Variants in FGD5 observed in about 807,000 individuals in gnomAD.
The protein encoded by FGD5 is FYVE, RhoGEF and PH domain containing 5, also known as FYVE, RhoGEF and PH domain-containing protein 5.
In FGD5, 28 loss-of-function variants were observed where a neutral mutation model predicts 133.4. That is an observed-to-expected ratio of 0.21 (90% CI 0.16 to 0.29). The LOEUF (loss-of-function observed/expected upper bound fraction) is 0.29. FGD5 is among the 10% of genes least tolerant of loss of function. The pLI, the probability that FGD5 is intolerant of heterozygous loss-of-function variation, is 1.00. For missense variants in FGD5, 1,858 were observed against 1,895.2 expected (o/e 0.98, Z 0.36); for synonymous variants, 810 against 776.5 (o/e 1.04, Z -0.72).
chr3:14,810,730 G>C, upstream of FGD5: 1 of 878,976 alleles, frequency 1.1e-6, no homozygotes, highest in Non-Finnish European at 1.4e-6. Flanking sequence ...CGCCGGGGCC[G>C]GGCGGGCGCC....
chr3:14,811,625 T>C (rs2036296298), intron 1 of FGD5, among the ~76,000 whole-genome samples: 1 of 152,052 alleles, frequency 6.6e-6, no homozygotes. Context: ...AGCTCATCCC[T>C]GCAGTTCAGA....
Position 14,933,816 on chromosome 3 carries a change from TGCGCC to T in FGD5, c.*650_*654del, listed in dbSNP as rs1486241248. On this transcript the variant is annotated 3_prime_UTR_variant, in exon 20 of 20. Transcript: ENST00000285046. ...CAAGCACACATCACTTTAGAGGGGC[TGCGCC>T]CCACCAGATAGGAAGGGGAGGATTT... 1 of 153,206 alleles carries T rather than the reference TGCGCC, an allele frequency of 6.5e-6. No homozygotes were observed. The highest frequency in any genetic ancestry group is 1.5e-5 in the Non-Finnish European group (1 of 68,534). The allele number at this position is 153,206 out of a possible 1,614,324, so 9.5% of individuals were successfully genotyped here.
At chr3:14,853,759 A>G (rs529572102) in intron 1 of FGD5, among the ~76,000 whole-genome samples, 1 of 146,344 alleles carries the variant, frequency 6.8e-6, no homozygotes, top group African/African-American at 2.5e-5. Flanking sequence ...GTTGGACAGC[A>G]CCAGGCCGGG....
chr3:14,912,073 C>CT (rs1483459440), intron 11 of FGD5, among the ~76,000 whole-genome samples: 1 of 152,032 alleles, frequency 6.6e-6, no homozygotes, highest in African/African-American at 2.4e-5. Flanking sequence ...CTCAAGAAGT[C>CT]TTTGTCTGCA....
intron 8 of FGD5, among the ~76,000 whole-genome samples, 174 bp downstream of exon 8, chr3:14,900,627 G>C (rs1006346181): frequency 1.3e-5 from 2 of 152,146 alleles, no homozygotes; most frequent in Non-Finnish European, 2.9e-5. Flanking sequence ...GCTCTTCTGA[G>C]ATGGGTCCCC....
Position 14,922,660 on chromosome 3 carries a change from G to A in FGD5, c.3807+112G>A, listed in dbSNP as rs2038708841. The A allele has an allele frequency of 7.1e-7, 1 of 1,411,770 alleles. No individual in the cohort carries two copies. Among genetic ancestry groups the A allele is most frequent in the African/African-American group, 1.4e-5 (1 of 70,890 alleles). 87.5% of individuals were successfully genotyped at this position (1,411,770 alleles called of 1,614,324 possible). A position where few individuals can be genotyped will look rare whatever the true frequency, so the allele number is the denominator to read the frequency against. On this transcript the variant is annotated intron_variant, in intron 15 of 19. Coordinates refer to ENST00000285046, the MANE Select transcript of FGD5 (RefSeq NM_152536.4). This position sits in a 1 kb window ranked among gnomAD's most constrained non-coding sequence, Gnocchi z 4.1. ...TCCAGCAGCTACTGTAAGCCCCAGA[G>A]TGAGGCATGTTCACACCAACCCGAG...
chr3:14,929,798 G>C (rs2038873269), intron 18 of FGD5, among the ~76,000 whole-genome samples: 1 of 152,114 alleles, frequency 6.6e-6, no homozygotes, highest in Non-Finnish European at 1.5e-5. Context: ...CCTGTCTGTG[G>C]CTTCCCTGTT....
chr3:14,865,757 G>T (rs1158389799), intron 2 of FGD5, among the ~76,000 whole-genome samples: 1 of 152,232 alleles, frequency 6.6e-6, no homozygotes, highest in Admixed American at 6.5e-5. Context: ...AGTGAATGAA[G>T]GGGTCAGGTC....
At chr3:14,890,957 TCAGA>T (rs1025515539) in intron 4 of FGD5, among the ~76,000 whole-genome samples, 8 of 152,190 alleles carry the variant, frequency 5.3e-5, no homozygotes, top group Non-Finnish European at 8.8e-5. Flanking sequence ...AAATTGAGAC[TCAGA>T]CAGGTGACAG....
In FGD5 at chr3:14,917,081, G is replaced by A. The variant is rs1388447342; in HGVS notation, c.3406-168G>A. On this transcript the variant is annotated intron_variant, in intron 11 of 19. Transcript: ENST00000285046. This position sits in a 1 kb window ranked among gnomAD's most constrained non-coding sequence, Gnocchi z 4.1. ...TCAAGCATCGAACCAGGAGTAGAGT[G>A]GCAAGGAAGGGGCTCACATTTTGGC... is the stretch of plus-strand genomic sequence containing the variant. Among the ~76,000 whole-genome samples, 2 of 152,192 alleles carry A rather than the reference G, an allele frequency of 1.3e-5. No homozygotes were observed. Among genetic ancestry groups the A allele is most frequent in the Non-Finnish European group, 2.9e-5 (2 of 68,034 alleles).
At chr3:14,865,936 C>A (rs1180659283) in intron 2 of FGD5, among the ~76,000 whole-genome samples, 1 of 152,206 alleles carries the variant, frequency 6.6e-6, no homozygotes, top group African/African-American at 2.4e-5. Flanking sequence ...CTTTTCTGGG[C>A]ATCCCTGAGG....
intron 2 of FGD5, among the ~76,000 whole-genome samples, chr3:14,864,971 G>T (rs77600179): frequency 0.086 from 13,060 of 152,248 alleles, 764 homozygotes; most frequent in East Asian, 0.3. Flanking sequence ...GCAGAAATGG[G>T]CAGAGGTGAA....
chr3:14,856,825 C>A (rs370376942), intron 1 of FGD5, among the ~76,000 whole-genome samples: 2 of 152,182 alleles, frequency 1.3e-5, no homozygotes, highest in East Asian at 3.9e-4. Flanking sequence ...ATGTCATCTG[C>A]AAACAGGGAC....
intron 11 of FGD5, among the ~76,000 whole-genome samples, chr3:14,913,978 TCTC>T (rs1192384189): frequency 1.3e-5 from 2 of 151,992 alleles, no homozygotes; most frequent in African/African-American, 4.8e-5. Flanking sequence ...TATCAGAACA[TCTC>T]CTTCCCTCAG....
At chr3:14,920,840 T>C (rs991784596) in intron 13 of FGD5, among the ~76,000 whole-genome samples, 7 of 152,144 alleles carry the variant, frequency 4.6e-5, no homozygotes, top group Non-Finnish European at 7.4e-5. Context: ...AGAGCTCTTA[T>C]CTGTTACAGT....
At chr3:14,811,761 C>T (rs1042924559) in intron 1 of FGD5, among the ~76,000 whole-genome samples, 1 of 152,180 alleles carries the variant, frequency 6.6e-6, no homozygotes. Context: ...GGATTCCCAA[C>T]GCCATCTAAG....
chr3:14,820,992 G>A lies in FGD5; in HGVS notation c.1921G>A (p.Asp641Asn), dbSNP rs374414426. ...CTCTCCCTCACTCCTGATCGAGAGCGACTCCCCGGACAAGTACAAGAAGAA... is the reference window on the plus strand; with the variant it reads ...CTCTCCCTCACTCCTGATCGAGAGCAACTCCCCGGACAAGTACAAGAAGAA... The part of the protein sequence containing the change: ...KSSPSLLIES[D>N]SPDKYKKKKS... Residue 641 changes from aspartate to asparagine, a missense_variant, in exon 1 of 20, where the codon GAC (aspartate) becomes AAC (asparagine). Physicochemically the swap from Asp to Asn is conservative, Grantham distance 23. This residue lies in a region of FGD5 where 1,824 missense variants were observed against 1,848.9 expected (regional missense o/e 0.99). Transcript: ENST00000285046. 23 of 1,613,754 alleles carry A rather than the reference G, an allele frequency of 1.4e-5. No individual in the cohort carries two copies. The highest frequency in any genetic ancestry group is 3.3e-5 in the Admixed American group (2 of 59,982).
At chr3:14,931,845 T>C (rs1456134244) in intron 18 of FGD5, 1 of 152,156 alleles carries the variant, frequency 6.6e-6, no homozygotes. Flanking sequence ...CACTGACTGA[T>C]GAAATCCATG....
At position 14,903,207 on chromosome 3, in the gene FGD5, C is replaced by T. The variant is rs1455968870; in HGVS notation, c.3264+2146C>T. 2.0e-5 allele frequency among the ~76,000 whole-genome samples: 3 copies of T among 152,300 alleles called. No homozygotes were observed. In the East Asian group the frequency reaches 5.8e-4, roughly 29 times the overall value. ...TCCTCATTCCAGTCTGCACCCCAGC[C>T]GCTGGTAACCATCATTCTGCTTTCT... On this transcript the variant is annotated intron_variant, in intron 9 of 19. Coordinates refer to ENST00000285046, the MANE Select transcript of FGD5 (RefSeq NM_152536.4).
Sources: gnomAD v4.1 joint callset for allele counts (sites outside exome capture counted in the v4.1 genomes callset) on GRCh38, gnomAD v4.1.1 for gene constraint, gnomAD v4.1.1 regional missense constraint, Gnocchi (gnomAD v3.1) non-coding constraint, MANE v1.5 for transcripts, NCBI Gene and HGNC (gene_info 2026-07-23, HGNC 2026-07-21) for gene names.